Variants in TRAK1 observed in about 807,000 individuals in gnomAD.
The protein encoded by TRAK1 is trafficking kinesin-binding protein 1.
TRAK1 carries 33 observed loss-of-function variants against 92.1 expected under a neutral mutation model. The observed-to-expected ratio is 0.36, with a 90% CI of 0.27 to 0.48. The LOEUF is 0.48. Among genes scored for constraint, TRAK1 ranks in the 20% least tolerant of loss-of-function variants. The pLI, the probability that TRAK1 is intolerant of heterozygous loss-of-function variation, is 0.99. For synonymous variants in TRAK1, 521 were observed against 517.3 expected, an observed-to-expected ratio of 1.01 and a Z score of -0.10; for missense variants, 1,123 against 1,257.9, an observed-to-expected ratio of 0.89 and a Z score of 1.62.
At chr3:42,041,591 A>G (rs1189163126) in intron 1 of TRAK1, among the ~76,000 whole-genome samples, 1 of 128,268 alleles carries the variant, frequency 7.8e-6, no homozygotes, top group Non-Finnish European at 1.5e-5. Flanking sequence ...CCTCAATATG[A>G]GGGCCCTTTT....
intron 2 of TRAK1, among the ~76,000 whole-genome samples, chr3:42,157,477 A>AAAAAAAAAAAAT (rs1700687930): frequency 6.9e-6 from 1 of 144,912 alleles, no homozygotes; most frequent in Non-Finnish European, 1.5e-5. Context: ...AAAAAAAAAA[A>AAAAAAAAAAAAT]AAAAAAAAAA....
At chr3:42,105,390 G>A (rs535613194) in intron 1 of TRAK1, among the ~76,000 whole-genome samples, 108 of 152,318 alleles carry the variant, frequency 7.1e-4, no homozygotes, top group African/African-American at 2.4e-3. Flanking sequence ...TTCAGTAGCC[G>A]ATTTGATCAA....
chr3:42,170,562 T>G (rs1245991816), intron 2 of TRAK1, among the ~76,000 whole-genome samples: 1 of 152,218 alleles, frequency 6.6e-6, no homozygotes, highest in East Asian at 1.9e-4. Context: ...ACTGGGTATA[T>G]CAGAATTGCT....
intron 1 of TRAK1, among the ~76,000 whole-genome samples, chr3:42,098,711 C>T (rs1429709447): frequency 6.6e-6 from 1 of 152,178 alleles, no homozygotes; most frequent in African/African-American, 2.4e-5. Context: ...TACTCTGCTA[C>T]CTTCTATCAT....
chr3:42,030,861 T>C (rs1378784807), intron 1 of TRAK1, among the ~76,000 whole-genome samples: 4 of 151,162 alleles, frequency 2.6e-5, no homozygotes, highest in Non-Finnish European at 4.4e-5. Flanking sequence ...AAGGAGAATG[T>C]TCTTTTATTT....
At chr3:42,037,029 T>TC (rs1375351284) in intron 1 of TRAK1, among the ~76,000 whole-genome samples, 4 of 152,242 alleles carry the variant, frequency 2.6e-5, no homozygotes, top group African/African-American at 9.6e-5. Context: ...AATCTTGTTA[T>TC]GTTGCCCATG....
chr3:42,190,575 C>G (rs1475348655), intron 6 of TRAK1, among the ~76,000 whole-genome samples: 1 of 152,148 alleles, frequency 6.6e-6, no homozygotes, highest in African/African-American at 2.4e-5. Flanking sequence ...GGTAAATGCT[C>G]CAGCCCCGGG....
intron 2 of TRAK1, among the ~76,000 whole-genome samples, chr3:42,130,389 G>GC (rs34551008): frequency 0.52 from 78,086 of 151,620 alleles, 20,393 homozygotes; most frequent in African/African-American, 0.58. Flanking sequence ...ACCTGGAGCA[G>GC]CTTTTTCCTA....
chr3:42,037,058 G>A (rs1238905576), intron 1 of TRAK1, among the ~76,000 whole-genome samples: 1 of 151,766 alleles, frequency 6.6e-6, no homozygotes, highest in Non-Finnish European at 1.5e-5. Flanking sequence ...ATACTCTTAG[G>A]CTCCAGCTAT....
In TRAK1 at chr3:42,050,185, G is replaced by C. The variant is rs926927452; in HGVS notation, c.-519+36068G>C. On this transcript the variant is annotated intron_variant, in intron 1 of 16. Coordinates refer to the TRAK1 transcript ENST00000487159. ...CGAGTTGGGGAAGGGAACTGAGGGT[G>C]GGGGGGTGTGAGAGTCGGGGGTCTT... Among the ~76,000 whole-genome samples the C allele has an allele frequency of 6.3e-5, 9 of 142,864 alleles. No individual in the cohort carries two copies. The East Asian group carries it at 1.8e-3, about 29-fold the overall frequency. 93.7% of individuals were successfully genotyped at this position (142,864 alleles called of 152,430 possible).
chr3:42,157,486 AAAAGG>A (rs1700690405), intron 2 of TRAK1, among the ~76,000 whole-genome samples: 1 of 149,006 alleles, frequency 6.7e-6, no homozygotes, highest in South Asian at 2.1e-4. Context: ...AAAAAAAAAA[AAAAGG>A]TTAACATTGG....
At chr3:42,172,231 A>G (rs900937424) in intron 2 of TRAK1, among the ~76,000 whole-genome samples, 2 of 152,132 alleles carry the variant, frequency 1.3e-5, no homozygotes, top group Non-Finnish European at 2.9e-5. Flanking sequence ...TGCCTGGCAC[A>G]TTATTACACA....
At chr3:42,021,050 A>G (rs541160240) in intron 1 of TRAK1, among the ~76,000 whole-genome samples, 169 of 152,338 alleles carry the variant, frequency 1.1e-3, no homozygotes, top group Non-Finnish European at 2.0e-3. Context: ...CAAGCTTTAT[A>G]CTGGAGAATT....
intron 1 of TRAK1, among the ~76,000 whole-genome samples, chr3:42,100,883 G>A (rs1020726708): frequency 6.6e-6 from 1 of 151,914 alleles, no homozygotes; most frequent in African/African-American, 2.4e-5. Flanking sequence ...TGGCCAGGCT[G>A]TCTCGAACTC....
At chr3:42,214,272 AC>A in intron 14 of TRAK1, among the ~76,000 whole-genome samples, 1 of 152,122 alleles carries the variant, frequency 6.6e-6, no homozygotes, top group Non-Finnish European at 1.5e-5. Context: ...GAGCTGTGCA[AC>A]CACACTGCCT....
chr3:42,054,266 C>A (rs1244215396), intron 1 of TRAK1, among the ~76,000 whole-genome samples: 2 of 152,216 alleles, frequency 1.3e-5, no homozygotes, highest in South Asian at 2.1e-4. Flanking sequence ...TGACCTCCTT[C>A]AGCACCCCCT....
At chr3:42,128,270 T>C (rs1431192641) in intron 2 of TRAK1, among the ~76,000 whole-genome samples, 3 of 152,230 alleles carry the variant, frequency 2.0e-5, no homozygotes, top group Admixed American at 2.0e-4. Flanking sequence ...TTTTTAGTTA[T>C]ACAGTTAAGA....
At chr3:42,136,176 G>A (rs1456724218) in intron 2 of TRAK1, among the ~76,000 whole-genome samples, 1 of 152,146 alleles carries the variant, frequency 6.6e-6, no homozygotes, top group Non-Finnish European at 1.5e-5. Context: ...CTTCATTGGT[G>A]ATGACATGGC....
intron 2 of TRAK1, among the ~76,000 whole-genome samples, chr3:42,135,168 C>G (rs773838419): frequency 6.6e-6 from 1 of 152,196 alleles, no homozygotes; most frequent in Admixed American, 6.5e-5. Flanking sequence ...CCCGCCCTTA[C>G]CTTACCTACC....
Sources: allele counts gnomAD v4.1 joint callset (sites outside exome capture counted in the v4.1 genomes callset), GRCh38; gene constraint gnomAD v4.1.1; transcripts MANE v1.5; gene names NCBI Gene and HGNC (gene_info 2026-07-23, HGNC 2026-07-21).